The following SORCS1 variants were observed in gnomAD, a reference collection of about 807,000 sequenced individuals.
The protein encoded by SORCS1 is VPS10 domain-containing receptor SorCS1.
A neutral mutation model predicts 146.1 loss-of-function variants in SORCS1; 60 were observed. That is an observed-to-expected ratio of 0.41 (90% CI 0.33 to 0.51). The LOEUF is 0.51. Among genes scored for constraint, SORCS1 ranks in the 20% least tolerant of loss-of-function variants. The pLI, the probability that SORCS1 is intolerant of heterozygous loss-of-function variation, is 0.21. For missense variants in SORCS1, 1,352 were observed against 1,487.6 expected (o/e 0.91, Z 1.50); for synonymous variants, 637 against 584.0 (o/e 1.09, Z -1.31).
intron 1 of SORCS1, among the ~76,000 whole-genome samples, chr10:107,059,819 G>C (rs188718309): frequency 6.6e-6 from 1 of 151,878 alleles, no homozygotes. Context: ...TGATCCACAA[G>C]CCAGAGAGTA....
At chr10:106,895,188 G>C (rs775890202) in intron 2 of SORCS1, among the ~76,000 whole-genome samples, 1 of 152,218 alleles carries the variant, frequency 6.6e-6, no homozygotes, top group Non-Finnish European at 1.5e-5. Flanking sequence ...TTGTAGCAGG[G>C]GTTTTGAAAC....
intron 2 of SORCS1, among the ~76,000 whole-genome samples, chr10:106,850,127 C>T (rs549353510): frequency 7.2e-5 from 11 of 151,916 alleles, no homozygotes; most frequent in East Asian, 5.9e-4. Context: ...GTTCGAGCTT[C>T]CCGGCTGCTT....
intron 5 of SORCS1, among the ~76,000 whole-genome samples, chr10:106,755,147 CA>C (rs1431284530): frequency 6.6e-6 from 1 of 152,166 alleles, no homozygotes; most frequent in Non-Finnish European, 1.5e-5. Flanking sequence ...ATTTGGATAC[CA>C]CTGATCGTCC....
chr10:106,916,924 G>C (rs1952471153), intron 2 of SORCS1, among the ~76,000 whole-genome samples: 1 of 152,030 alleles, frequency 6.6e-6, no homozygotes, highest in African/African-American at 2.4e-5. Context: ...TGTATTTTTA[G>C]TAGAGACGGG....
intron 1 of SORCS1, among the ~76,000 whole-genome samples, chr10:107,001,535 G>A (rs74462762): frequency 0.037 from 5,680 of 152,130 alleles, 378 homozygotes; most frequent in African/African-American, 0.13. Context: ...AGAAATAAAC[G>A]ATTTAGCAAC....
At chr10:106,678,844 C>G (rs1852228195) in intron 12 of SORCS1, among the ~76,000 whole-genome samples, 1 of 152,140 alleles carries the variant, frequency 6.6e-6, no homozygotes, top group African/African-American at 2.4e-5. Flanking sequence ...ATCTGCATTC[C>G]TTCCTATTCT....
At position 106,800,538 on chromosome 10, in the gene SORCS1, TTA is replaced by T. The variant is rs1198759735; in HGVS notation, c.727-23848_727-23847del. On this transcript the variant is annotated intron_variant, in intron 3 of 25. Coordinates refer to ENST00000263054, the MANE Select transcript of SORCS1 (RefSeq NM_052918.5). ...CTTTTTTTTTTTTTTTTTTTTTTTT[TTA>T]AGATGGAGTCTTGCTCTGTTGCCTA... Among the ~76,000 whole-genome samples the T allele has an allele frequency of 4.3e-3, 588 of 137,114 alleles. 24 individuals carry two copies. Among genetic ancestry groups the T allele is most frequent in the African/African-American group, 9.4e-3 (349 of 37,214 alleles). The allele number at this position is 137,114 out of a possible 152,430, so 90.0% of individuals were successfully genotyped here.
intron 5 of SORCS1, among the ~76,000 whole-genome samples, chr10:106,741,787 A>C (rs1857384107): frequency 1.3e-5 from 2 of 152,086 alleles, no homozygotes; most frequent in Non-Finnish European, 2.9e-5. Context: ...TTAGACCTTA[A>C]ATAGCAGGGT....
chr10:107,171,568 G>A, the SORCS1 span, among the ~76,000 whole-genome samples: 2 of 144,372 alleles, frequency 1.4e-5, no homozygotes, highest in Non-Finnish European at 3.0e-5. Context: ...CCAGGCTGGA[G>A]TGCATTGGTG....
In SORCS1 at chr10:106,984,531, C is replaced by T. The variant is rs181020473; in HGVS notation, c.559-27951G>A. ...GCCTCAGCCTCCTGAGTAGCTGGGACTACAGGTGCCCTCCACCACGCCCAG... is the reference window on the plus strand; with the variant it reads ...GCCTCAGCCTCCTGAGTAGCTGGGATTACAGGTGCCCTCCACCACGCCCAG... On this transcript the variant is annotated intron_variant, in intron 1 of 25. Coordinates refer to ENST00000263054, the MANE Select transcript of SORCS1 (RefSeq NM_052918.5). Among the ~76,000 whole-genome samples the T allele has an allele frequency of 7.1e-3, 1,073 of 151,660 alleles. 11 individuals are homozygous for T. Among genetic ancestry groups the T allele is most frequent in the African/African-American group, 0.023 (964 of 41,348 alleles).
chr10:106,693,626 G>GT (rs1316722497), intron 9 of SORCS1, among the ~76,000 whole-genome samples: 1 of 152,170 alleles, frequency 6.6e-6, no homozygotes, highest in Non-Finnish European at 1.5e-5. Context: ...TTTTTTGAGA[G>GT]TTAGAATGTG....
chr10:106,630,301 A>C (rs10748920), intron 18 of SORCS1, among the ~76,000 whole-genome samples: 109,678 of 152,132 alleles, frequency 0.72, 41,178 homozygotes, highest in Non-Finnish European at 0.83. Flanking sequence ...TCAAGCTATC[A>C]AAATGATCTC....
chr10:106,680,911 G>T (rs904622756), intron 10 of SORCS1, among the ~76,000 whole-genome samples: 11 of 152,038 alleles, frequency 7.2e-5, no homozygotes, highest in African/African-American at 2.7e-4. Context: ...ATGAAACTCA[G>T]GAATAAAAAC....
intron 1 of SORCS1, among the ~76,000 whole-genome samples, chr10:107,019,159 T>A (rs1958024726): frequency 6.6e-6 from 1 of 152,228 alleles, no homozygotes; most frequent in African/African-American, 2.4e-5. Context: ...GTGGGTAAAC[T>A]GTATTTGTAG....
intron 2 of SORCS1, among the ~76,000 whole-genome samples, chr10:106,871,879 TC>T (rs11323177): frequency 0.46 from 69,310 of 151,932 alleles, 16,163 homozygotes; most frequent in African/African-American, 0.55. Context: ...TTCACATGTA[TC>T]CCCCCAACCT....
intron 1 of SORCS1, among the ~76,000 whole-genome samples, chr10:106,996,622 A>T (rs556070677): frequency 6.8e-4 from 104 of 152,290 alleles, no homozygotes; most frequent in East Asian, 5.4e-3. Flanking sequence ...CGTCGTACCA[A>T]AAAAATCAGA....
At chr10:106,661,333 G>C (rs1850711612) in intron 17 of SORCS1, among the ~76,000 whole-genome samples, 1 of 152,236 alleles carries the variant, frequency 6.6e-6, no homozygotes, top group African/African-American at 2.4e-5. Flanking sequence ...TAAAGGGACA[G>C]ACGTGCTTTG....
chr10:106,791,023 G>T (rs920954282), intron 3 of SORCS1, among the ~76,000 whole-genome samples: 2 of 152,100 alleles, frequency 1.3e-5, no homozygotes, highest in Non-Finnish European at 2.9e-5. Flanking sequence ...TTTGATATTT[G>T]TTTTCAATCT....
intron 1 of SORCS1, among the ~76,000 whole-genome samples, chr10:107,055,179 T>C (rs1035017008): frequency 1.3e-5 from 2 of 152,182 alleles, no homozygotes; most frequent in African/African-American, 4.8e-5. Context: ...CACATCACCT[T>C]CCTAGTTTCT....
Sources: allele counts gnomAD v4.1 joint callset (sites outside exome capture counted in the v4.1 genomes callset), GRCh38; gene constraint gnomAD v4.1.1; transcripts MANE v1.5; gene names NCBI Gene and HGNC (gene_info 2026-07-23, HGNC 2026-07-21).